Variants in GRID2 observed in about 807,000 individuals in gnomAD.
The protein encoded by GRID2 is glutamate ionotropic receptor delta type subunit 2, also known as glutamate receptor ionotropic, delta-2.
GRID2 carries 33 observed loss-of-function variants against 114.8 expected under a neutral mutation model. The observed-to-expected ratio is 0.29, with a 90% CI of 0.22 to 0.38. The LOEUF is 0.38. GRID2 is among the 10% of genes least tolerant of loss of function. The pLI is 1.00. For synonymous variants in GRID2, 505 were observed against 449.9 expected (o/e 1.12, Z -1.55); for missense variants, 1,184 against 1,257.7 (o/e 0.94, Z 0.89).
At chr4:93,389,749 A>T (rs1175461137) in intron 8 of GRID2, among the ~76,000 whole-genome samples, 1 of 151,738 alleles carries the variant, frequency 6.6e-6, no homozygotes, top group Admixed American at 6.6e-5. Context: ...TAGCCATTCT[A>T]TGAGTTTGCA....
intron 2 of GRID2, among the ~76,000 whole-genome samples, chr4:92,759,523 C>T (rs1001742169): frequency 1.7e-4 from 26 of 152,060 alleles, no homozygotes; most frequent in Admixed American, 4.6e-4. Flanking sequence ...TTACCTCTTA[C>T]ATGTCTCTAA....
At chr4:92,948,178 T>C (rs1288423891) in intron 2 of GRID2, among the ~76,000 whole-genome samples, 1 of 151,960 alleles carries the variant, frequency 6.6e-6, no homozygotes, top group Non-Finnish European at 1.5e-5. Flanking sequence ...ACATAAATAG[T>C]CTATGGTTAT....
chr4:93,576,875 G>A (rs571784261), intron 13 of GRID2, among the ~76,000 whole-genome samples: 1 of 152,130 alleles, frequency 6.6e-6, no homozygotes, highest in African/African-American at 2.4e-5. Flanking sequence ...GTAAAAAAGG[G>A]TGAAGAAAAG....
At chr4:93,458,282 A>G (rs1004457545) in intron 11 of GRID2, among the ~76,000 whole-genome samples, 11 of 152,206 alleles carry the variant, frequency 7.2e-5, no homozygotes, top group Admixed American at 7.2e-4. Context: ...TAAATTTATT[A>G]TTGAAGCAAA....
chr4:92,362,254 A>G (rs1219164654), intron 1 of GRID2, among the ~76,000 whole-genome samples: 1 of 152,032 alleles, frequency 6.6e-6, no homozygotes, highest in African/African-American at 2.4e-5. Context: ...ATCTTCAAAC[A>G]GAAAGAGTCT....
intron 14 of GRID2, among the ~76,000 whole-genome samples, chr4:93,691,147 T>G (rs1560911064): frequency 6.6e-6 from 1 of 151,768 alleles, no homozygotes; most frequent in Non-Finnish European, 1.5e-5. Context: ...GATGTCATCT[T>G]TGTTACAAAA....
chr4:93,344,228 C>A lies in GRID2; in HGVS notation c.1246-51379C>A, dbSNP rs530559124. On this transcript the variant is annotated intron_variant, in intron 8 of 15. Transcript: ENST00000282020. Reference sequence around the variant, plus strand: ...GAACCATGTTAATTGCCAACACTGTCATGAATGGGGTATTTATATACCTAA... The same window carrying A: ...GAACCATGTTAATTGCCAACACTGTAATGAATGGGGTATTTATATACCTAA... Among the ~76,000 whole-genome samples the A allele has an allele frequency of 5.9e-5, 9 of 152,092 alleles. No individual in the cohort carries two copies. In the South Asian group the frequency reaches 1.9e-3, roughly 31 times the overall value.
rs568346928 is a variant in GRID2, at chr4:93,691,429, A to C, written c.2360+64994A>C. On this transcript the variant is annotated intron_variant, in intron 14 of 15. Transcript: ENST00000282020. ...TCAAATAGTTGGTTGTATTTTAAGC[A>C]TAAAACCAAGGAGAGTAGCAAGGTA... Among the ~76,000 whole-genome samples, 3 of 152,250 alleles carry C rather than the reference A, an allele frequency of 2.0e-5. No homozygotes were observed. The East Asian group carries it at 5.8e-4, about 29-fold the overall frequency.
At chr4:93,481,737 G>C (rs1283302753) in intron 11 of GRID2, among the ~76,000 whole-genome samples, 1 of 152,006 alleles carries the variant, frequency 6.6e-6, no homozygotes, top group Non-Finnish European at 1.5e-5. Context: ...ACAGAGATAT[G>C]GGAGCAATCC....
chr4:92,383,048 C>G (rs1729697754), intron 1 of GRID2, among the ~76,000 whole-genome samples: 1 of 151,822 alleles, frequency 6.6e-6, no homozygotes, highest in African/African-American at 2.4e-5. Context: ...TTCACATGGC[C>G]AGAACATGAG....
At chr4:93,369,219 A>C (rs1579846741) in intron 8 of GRID2, among the ~76,000 whole-genome samples, 1 of 151,882 alleles carries the variant, frequency 6.6e-6, no homozygotes, top group South Asian at 2.1e-4. Flanking sequence ...TGGCAACATC[A>C]CTCCAATCTC....
intron 1 of GRID2, among the ~76,000 whole-genome samples, chr4:92,361,983 G>A (rs761397248): frequency 2.6e-5 from 4 of 151,954 alleles, no homozygotes; most frequent in Non-Finnish European, 5.9e-5. Flanking sequence ...GAAATATAAT[G>A]AGAAGAGAAA....
intron 2 of GRID2, among the ~76,000 whole-genome samples, chr4:92,856,001 C>T (rs1578320105): frequency 1.3e-5 from 2 of 152,098 alleles, no homozygotes; most frequent in Non-Finnish European, 2.9e-5. Context: ...TAGGAAAAGC[C>T]TCACGCAAAA....
intron 8 of GRID2, among the ~76,000 whole-genome samples, chr4:93,254,688 AAT>A (rs1398615143): frequency 1.3e-5 from 2 of 152,162 alleles, no homozygotes; most frequent in Non-Finnish European, 2.9e-5. Context: ...TTGGAGCTGT[AAT>A]ATGATTTGAA....
chr4:92,651,150 C>CT (rs1296599257), intron 2 of GRID2, among the ~76,000 whole-genome samples: 2 of 151,898 alleles, frequency 1.3e-5, no homozygotes, highest in South Asian at 2.1e-4. Context: ...CATTGTATGC[C>CT]GGAAAGGAAA....
chr4:92,972,003 G>C (rs543902617), intron 2 of GRID2, among the ~76,000 whole-genome samples: 1 of 152,126 alleles, frequency 6.6e-6, no homozygotes, highest in Non-Finnish European at 1.5e-5. Flanking sequence ...TAAAAGGGGG[G>C]TACTGTTTCT....
intron 2 of GRID2, among the ~76,000 whole-genome samples, chr4:92,847,808 C>G (rs192736350): frequency 6.6e-6 from 1 of 151,956 alleles, no homozygotes; most frequent in Admixed American, 6.6e-5. Context: ...ACGAACAAAT[C>G]GTGTTCCATT....
At chr4:92,857,205 T>C (rs935029217) in intron 2 of GRID2, among the ~76,000 whole-genome samples, 2 of 152,180 alleles carry the variant, frequency 1.3e-5, no homozygotes, top group African/African-American at 2.4e-5. Context: ...TTAACAATCC[T>C]ACAATGATCT....
At chr4:92,406,619 T>A (rs1397236266) in intron 1 of GRID2, among the ~76,000 whole-genome samples, 2 of 151,814 alleles carry the variant, frequency 1.3e-5, no homozygotes, top group African/African-American at 4.8e-5. Context: ...TGTATGACAC[T>A]GAGGCTTAAG....
Sources: gnomAD v4.1 joint callset for allele counts (sites outside exome capture counted in the v4.1 genomes callset) on GRCh38, gnomAD v4.1.1 for gene constraint, MANE v1.5 for transcripts, NCBI Gene and HGNC (gene_info 2026-07-23, HGNC 2026-07-21) for gene names.